The following CTDSPL2 variants were observed in gnomAD, a reference collection of about 807,000 sequenced individuals.
CTDSPL2 encodes the protein CTD small phosphatase like 2.
A neutral mutation model predicts 60.0 loss-of-function variants in CTDSPL2; 5 were observed. The observed-to-expected ratio is 0.08, with a 90% confidence interval of 0.04 to 0.18. The LOEUF (loss-of-function observed/expected upper bound fraction) is 0.18, where lower values mean the gene tolerates loss of function less well. Ranked by LOEUF, CTDSPL2 falls within the 10% of genes least tolerant of loss-of-function variation. The pLI is 1.00. For synonymous variants in CTDSPL2, 186 were observed against 189.3 expected (o/e 0.98, Z 0.14); for missense variants, 370 against 548.8 (o/e 0.67, Z 3.26).
chr15:44,477,612 A>G (rs1245957859), intron 2 of CTDSPL2, among the ~76,000 whole-genome samples: 1 of 152,066 alleles, frequency 6.6e-6, no homozygotes, highest in Admixed American at 6.6e-5. Flanking sequence ...CAAGGTGGGC[A>G]GATCACCTGA....
intron 2 of CTDSPL2, among the ~76,000 whole-genome samples, chr15:44,459,637 A>G (rs573603710): frequency 1.2e-4 from 19 of 152,348 alleles, no homozygotes; most frequent in African/African-American, 3.6e-4. Context: ...AGAGTTTTAC[A>G]TGCAGAATAT....
At chr15:44,510,467 T>C (rs2081547734) in intron 8 of CTDSPL2, among the ~76,000 whole-genome samples, 3 of 152,198 alleles carry the variant, frequency 2.0e-5, no homozygotes, top group Non-Finnish European at 4.4e-5. Flanking sequence ...TTTGACATTT[T>C]CCACAATATA....
intron 2 of CTDSPL2, among the ~76,000 whole-genome samples, chr15:44,466,273 C>T (rs898718251): frequency 6.6e-6 from 1 of 152,158 alleles, no homozygotes; most frequent in Non-Finnish European, 1.5e-5. Flanking sequence ...CCGCCTTGGC[C>T]TCCCGTAATG....
Position 44,463,620 on chromosome 15 carries a change from A to G in CTDSPL2, c.186+4420A>G, listed in dbSNP as rs564168718. ...AATCACAATTGTATTTTCCCAGACA[A>G]CTAATCCTGTGTTAGGAGTAAATAA... On this transcript the variant is annotated intron_variant, in intron 2 of 12. Coordinates refer to ENST00000260327, the MANE Select transcript of CTDSPL2 (RefSeq NM_016396.3). Among the ~76,000 whole-genome samples, 25 of 152,318 alleles carry G rather than the reference A, an allele frequency of 1.6e-4. 1 individual carries two copies. The South Asian group carries it at 5.2e-3, about 32-fold the overall frequency.
chr15:44,500,467 G>A (rs2081367123), intron 8 of CTDSPL2, among the ~76,000 whole-genome samples: 1 of 152,136 alleles, frequency 6.6e-6, no homozygotes, highest in African/African-American at 2.4e-5. Context: ...AATAATATAA[G>A]TGAATACACT....
chr15:44,521,848 G>A (rs1208806209), intron 12 of CTDSPL2, among the ~76,000 whole-genome samples: 2 of 138,514 alleles, frequency 1.4e-5, no homozygotes, highest in African/African-American at 5.3e-5. Flanking sequence ...TGAGGCAGGG[G>A]AATGGCGTGA....
intron 2 of CTDSPL2, among the ~76,000 whole-genome samples, chr15:44,473,809 A>T (rs2080858767): frequency 6.6e-6 from 1 of 152,210 alleles, no homozygotes; most frequent in Non-Finnish European, 1.5e-5. Context: ...AATTTCAAGC[A>T]GTTTCCCTTG....
chr15:44,521,037 T>G (rs2081758355), intron 11 of CTDSPL2: 1 of 186,948 alleles, frequency 5.3e-6, no homozygotes, highest in Non-Finnish European at 1.1e-5. Context: ...TTTATATTAA[T>G]GATCCTTATA....
At chr15:44,437,953 T>C (rs1000662722) in intron 1 of CTDSPL2, among the ~76,000 whole-genome samples, 2 of 152,192 alleles carry the variant, frequency 1.3e-5, no homozygotes. Flanking sequence ...AGGAAACTAT[T>C]AGTACTGCAG....
intron 8 of CTDSPL2, among the ~76,000 whole-genome samples, chr15:44,500,919 T>G (rs1262823690): frequency 6.6e-6 from 1 of 152,188 alleles, no homozygotes; most frequent in Non-Finnish European, 1.5e-5. Flanking sequence ...TAAGCTGATT[T>G]TAGTCCTGAT....
Position 44,496,943 on chromosome 15 carries a change from A to G in CTDSPL2, c.771-84A>G. Reference sequence around the variant, plus strand: ...TTGTTTTCTGGGTTAACTGCTTTATAGATTTTTAAATGGGCTGAGCTTAGT... The same window carrying G: ...TTGTTTTCTGGGTTAACTGCTTTATGGATTTTTAAATGGGCTGAGCTTAGT... On this transcript the variant is annotated intron_variant, in intron 6 of 12. Transcript: ENST00000260327. 3 of 707,280 alleles carry G rather than the reference A, an allele frequency of 4.2e-6. No homozygotes were observed. The Admixed American group carries it at 7.9e-5, about 19-fold the overall frequency. 43.8% of individuals were successfully genotyped at this position (707,280 alleles called of 1,614,324 possible). A position where few individuals can be genotyped will look rare whatever the true frequency, so the allele number is the denominator to read the frequency against.
At chr15:44,500,501 T>C (rs1333228477) in intron 8 of CTDSPL2, among the ~76,000 whole-genome samples, 1 of 152,214 alleles carries the variant, frequency 6.6e-6, no homozygotes, top group Admixed American at 6.5e-5. Context: ...AGTACGTTTC[T>C]GTTTTGGAGG....
chr15:44,446,838 C>T (rs2080227939), intron 1 of CTDSPL2, among the ~76,000 whole-genome samples: 1 of 147,242 alleles, frequency 6.8e-6, no homozygotes, highest in Non-Finnish European at 1.5e-5. Context: ...TCACTGCAAC[C>T]TCTGCTCTCG....
chr15:44,511,052 G>GC (rs1188873290), intron 8 of CTDSPL2, among the ~76,000 whole-genome samples: 1 of 152,040 alleles, frequency 6.6e-6, no homozygotes, highest in Non-Finnish European at 1.5e-5. Flanking sequence ...CCTAACCCCA[G>GC]CCCAGTACCT....
At chr15:44,512,054 A>G (rs2081576676) in intron 8 of CTDSPL2, among the ~76,000 whole-genome samples, 1 of 151,890 alleles carries the variant, frequency 6.6e-6, no homozygotes, top group South Asian at 2.1e-4. Flanking sequence ...GTTTAAAGCC[A>G]GGCATGGTGT....
intron 1 of CTDSPL2, among the ~76,000 whole-genome samples, chr15:44,456,763 GTT>G (rs2080451635): frequency 7.5e-6 from 1 of 133,504 alleles, no homozygotes. Flanking sequence ...TCTGATCTTA[GTT>G]ACTTCTTTTC....
chr15:44,524,054 G>C, intron 12 of CTDSPL2, 55 bp from the exon 13 acceptor site: 1 of 1,324,870 alleles, frequency 7.5e-7, no homozygotes, highest in Non-Finnish European at 1.1e-6. Flanking sequence ...TATGTTATGA[G>C]GATCATATCT....
At position 44,497,020 on chromosome 15, in the gene CTDSPL2, T is replaced by C; in HGVS notation, c.771-7T>C. 1.3e-6 allele frequency: 2 copies of C among 1,515,306 alleles called. No homozygotes were observed. Among genetic ancestry groups the C allele is most frequent in the Non-Finnish European group, 1.8e-6 (2 of 1,094,438 alleles). The allele number at this position is 1,515,306 out of a possible 1,614,324, so 93.9% of individuals were successfully genotyped here. ...ATGTTGAAATTTTCTTAAAATCTGA[T>C]TTATAGCTATTATTTCATCAAACAT... is the stretch of plus-strand genomic sequence containing the variant. On this transcript the variant is annotated splice_polypyrimidine_tract_variant and splice_region_variant and intron_variant, in intron 6 of 12. Coordinates refer to ENST00000260327, the MANE Select transcript of CTDSPL2 (RefSeq NM_016396.3).
At chr15:44,513,558 A>C (rs748301024) in intron 8 of CTDSPL2, among the ~76,000 whole-genome samples, 1 of 152,098 alleles carries the variant, frequency 6.6e-6, no homozygotes. Context: ...GATTTTTGTC[A>C]TGGGGGCATT....
Sources: allele counts gnomAD v4.1 joint callset (sites outside exome capture counted in the v4.1 genomes callset), GRCh38; gene constraint gnomAD v4.1.1; transcripts MANE v1.5; gene names NCBI Gene and HGNC (gene_info 2026-07-23, HGNC 2026-07-21).